Variants in PDE3B observed in about 807,000 individuals in gnomAD.
PDE3B encodes cGMP-inhibited 3',5'-cyclic phosphodiesterase 3B.
In PDE3B, 66 loss-of-function variants were observed where a neutral mutation model predicts 116.8. The ratio of observed to expected loss-of-function variants is 0.56; its 90% CI spans 0.46 to 0.69. The LOEUF (loss-of-function observed/expected upper bound fraction) is 0.69, where lower values mean the gene tolerates loss of function less well. PDE3B is among the 30% of genes least tolerant of loss of function. PDE3B has a pLI of 0.00. For missense variants in PDE3B, 1,384 were observed against 1,368.1 expected, an observed-to-expected ratio of 1.01 and a Z score of -0.18; for synonymous variants, 595 against 533.6, an observed-to-expected ratio of 1.12 and a Z score of -1.59.
At chr11:14,783,831 AT>A (rs1179575397) in intron 2 of PDE3B, among the ~76,000 whole-genome samples, 3 of 152,176 alleles carry the variant, frequency 2.0e-5, no homozygotes, top group Admixed American at 6.5e-5. Context: ...TCAGTAAGAG[AT>A]TTACCTTGCA....
At chr11:14,652,591 G>C (rs1339461608) in intron 1 of PDE3B, among the ~76,000 whole-genome samples, 1 of 152,142 alleles carries the variant, frequency 6.6e-6, no homozygotes, top group Non-Finnish European at 1.5e-5. Flanking sequence ...TAAGTGTACA[G>C]TTCAGTGGTG....
intron 1 of PDE3B, among the ~76,000 whole-genome samples, chr11:14,658,361 T>C (rs1377129470): frequency 6.6e-6 from 1 of 152,158 alleles, no homozygotes; most frequent in Non-Finnish European, 1.5e-5. Flanking sequence ...CTTGTCGCCT[T>C]TCTTTTTTTT....
At chr11:14,764,269 C>T (rs1565126578) in intron 1 of PDE3B, among the ~76,000 whole-genome samples, 1 of 152,132 alleles carries the variant, frequency 6.6e-6, no homozygotes, top group East Asian at 1.9e-4. Context: ...TCTCTCTCTA[C>T]TCCTCAACTC....
intron 1 of PDE3B, among the ~76,000 whole-genome samples, chr11:14,668,859 A>G (rs1291942860): frequency 3.6e-5 from 4 of 111,862 alleles, no homozygotes; most frequent in Admixed American, 3.0e-4. Flanking sequence ...CGATCCAACC[A>G]GTAGAATTGT....
chr11:14,786,260 A>G (rs1471214487), intron 2 of PDE3B, among the ~76,000 whole-genome samples, 177 bp from the exon 3 acceptor site: 1 of 152,110 alleles, frequency 6.6e-6, no homozygotes, highest in Non-Finnish European at 1.5e-5. Context: ...ATTCAGTGTT[A>G]GTAGTTAATA....
At chr11:14,896,344 T>C in the PDE3B span, among the ~76,000 whole-genome samples, 1 of 152,164 alleles carries the variant, frequency 6.6e-6, no homozygotes, top group Non-Finnish European at 1.5e-5. Context: ...CCATGTGTTC[T>C]TTCAGTCATT....
chr11:14,665,952 G>C (rs1434583246), intron 1 of PDE3B, among the ~76,000 whole-genome samples: 4 of 152,100 alleles, frequency 2.6e-5, no homozygotes, highest in African/African-American at 7.2e-5. Context: ...CATATGGAAT[G>C]AAAAAAGAGC....
intron 1 of PDE3B, among the ~76,000 whole-genome samples, chr11:14,752,646 A>G (rs915044939): frequency 2.0e-5 from 3 of 152,082 alleles, no homozygotes; most frequent in African/African-American, 7.2e-5. Flanking sequence ...GATCCATTGA[A>G]TATATCTAGA....
chr11:14,668,884 G>A (rs1026584239), intron 1 of PDE3B, among the ~76,000 whole-genome samples: 3 of 152,096 alleles, frequency 2.0e-5, no homozygotes, highest in Non-Finnish European at 4.4e-5. Context: ...GAAGCTGTTT[G>A]TCTCGGACTG....
intron 1 of PDE3B, among the ~76,000 whole-genome samples, chr11:14,753,225 A>G (rs954006146): frequency 2.0e-5 from 3 of 152,156 alleles, no homozygotes; most frequent in African/African-American, 4.8e-5. Context: ...TATTTTCAGT[A>G]TAGATCTTTT....
At chr11:14,673,977 A>G (rs1854455472) in intron 1 of PDE3B, 5 of 1,360,904 alleles carry the variant, frequency 3.7e-6, no homozygotes, top group Non-Finnish European at 5.3e-6. Context: ...ATCCTCAAGA[A>G]TGGAATCCAC....
intron 11 of PDE3B, among the ~76,000 whole-genome samples, chr11:14,842,680 G>A (rs573184490): frequency 7.9e-5 from 12 of 152,240 alleles, no homozygotes; most frequent in Non-Finnish European, 1.2e-4. Flanking sequence ...AGGGTGTAGC[G>A]TACTATTACG....
intron 12 of PDE3B, among the ~76,000 whole-genome samples, chr11:14,856,023 A>T (rs1370180456): frequency 2.0e-5 from 3 of 152,164 alleles, no homozygotes; most frequent in African/African-American, 7.2e-5. Context: ...CCCAAATCTC[A>T]TCTCAAATTG....
At position 14,722,385 on chromosome 11, in the gene PDE3B, G is replaced by C. The variant is rs1035802775; in HGVS notation, c.979-49552G>C. ...GCAAAAAATCCATCTGTGTCAACTG[G>C]CAGATAGAGTAAAAAAAATAAATCC... is the stretch of plus-strand genomic sequence containing the variant. On this transcript the variant is annotated intron_variant, in intron 1 of 15. Transcript: ENST00000282096. Among the ~76,000 whole-genome samples the C allele has an allele frequency of 8.6e-5, 13 of 151,852 alleles. 1 individual carries two copies. The highest frequency in any genetic ancestry group is 3.1e-4 in the African/African-American group (13 of 41,354).
chr11:14,785,753 C>CCCT (rs1268785717), intron 2 of PDE3B, among the ~76,000 whole-genome samples: 1 of 151,886 alleles, frequency 6.6e-6, no homozygotes, highest in East Asian at 1.9e-4. Context: ...CCTGATGCTA[C>CCCT]CCTGTCTGTG....
intron 1 of PDE3B, among the ~76,000 whole-genome samples, chr11:14,702,144 C>A (rs752152922): frequency 6.6e-6 from 1 of 150,980 alleles, no homozygotes; most frequent in East Asian, 1.9e-4. Context: ...TTCTAGTTGT[C>A]CTTCACTTCA....
At chr11:14,860,517 A>G (rs1427298435) in intron 13 of PDE3B, among the ~76,000 whole-genome samples, 1 of 152,138 alleles carries the variant, frequency 6.6e-6, no homozygotes, top group African/African-American at 2.4e-5. Context: ...AATAATTATC[A>G]TTTATTTAAA....
At chr11:14,663,724 C>G (rs1854019424) in intron 1 of PDE3B, among the ~76,000 whole-genome samples, 1 of 152,182 alleles carries the variant, frequency 6.6e-6, no homozygotes. Flanking sequence ...AGCTAACTAT[C>G]CTAAATATAT....
chr11:14,795,584 A>G (rs1350411735), intron 4 of PDE3B, among the ~76,000 whole-genome samples: 3 of 152,206 alleles, frequency 2.0e-5, no homozygotes, highest in African/African-American at 4.8e-5. Flanking sequence ...AATGTATGAT[A>G]TACTGAAATT....
Sources: gnomAD v4.1 joint callset for allele counts (sites outside exome capture counted in the v4.1 genomes callset) on GRCh38, gnomAD v4.1.1 for gene constraint, MANE v1.5 for transcripts, NCBI Gene and HGNC (gene_info 2026-07-23, HGNC 2026-07-21) for gene names.